Variants in CTNNA2 observed in about 807,000 individuals in gnomAD.
The protein encoded by CTNNA2 is catenin alpha 2.
A neutral mutation model predicts 101.0 loss-of-function variants in CTNNA2; 42 were observed. That is an observed-to-expected ratio of 0.42 (90% CI 0.32 to 0.54). The LOEUF (loss-of-function observed/expected upper bound fraction) is 0.54. CTNNA2 is among the 20% of genes least tolerant of loss of function. CTNNA2 has a pLI of 0.14. For missense variants in CTNNA2, 871 were observed against 1,223.1 expected (o/e 0.71, Z 4.29); for synonymous variants, 450 against 456.4 (o/e 0.99, Z 0.18).
intron 7 of CTNNA2, among the ~76,000 whole-genome samples, chr2:80,047,749 T>C: frequency 6.6e-6 from 1 of 152,172 alleles, no homozygotes; most frequent in South Asian, 2.1e-4. Context: ...GAATCCTGGG[T>C]CTGACTAGAA....
At chr2:80,607,724 G>A (rs935475069) in intron 16 of CTNNA2, among the ~76,000 whole-genome samples, 7 of 151,822 alleles carry the variant, frequency 4.6e-5, no homozygotes, top group African/African-American at 1.7e-4. Flanking sequence ...AGAGAACAAA[G>A]GAAACAAATT....
chr2:80,495,758 C>T (rs531465506), intron 9 of CTNNA2, among the ~76,000 whole-genome samples: 1 of 151,768 alleles, frequency 6.6e-6, no homozygotes, highest in East Asian at 2.0e-4. Context: ...GGCCAACATG[C>T]TGAAACCCCA....
At chr2:80,431,761 G>A (rs1681539752) in intron 9 of CTNNA2, among the ~76,000 whole-genome samples, 1 of 152,128 alleles carries the variant, frequency 6.6e-6, no homozygotes, top group Non-Finnish European at 1.5e-5. Flanking sequence ...TAATCAGCTT[G>A]GTCATTATGT....
chr2:79,733,350 G>T (rs184628370), intron 2 of CTNNA2, among the ~76,000 whole-genome samples: 61 of 152,116 alleles, frequency 4.0e-4, no homozygotes, highest in Non-Finnish European at 7.2e-4. Context: ...CTCATAACTA[G>T]TTGACAAAGA....
chr2:79,724,970 A>T (rs1212038527), intron 2 of CTNNA2, among the ~76,000 whole-genome samples: 1 of 151,984 alleles, frequency 6.6e-6, no homozygotes, highest in African/African-American at 2.4e-5. Flanking sequence ...CAAGTAGCAT[A>T]CTACTTGTAG....
At position 80,419,430 on chromosome 2, in the gene CTNNA2, GT is replaced by G. The variant is rs778670332; in HGVS notation, c.1138-14del. On this transcript the variant is annotated intron_variant, in intron 8 of 18. Transcript: ENST00000402739. ...ATTTCTTAATTGTATGTCATTTTTT[GT>G]TTTTGTTTCAACTGTAGCTTCGGAA... The G allele has an allele frequency of 2.5e-6, 4 of 1,577,468 alleles. No individual in the cohort carries two copies. Among genetic ancestry groups the G allele is most frequent in the Admixed American group, 3.6e-5 (2 of 54,974 alleles).
At chr2:80,158,689 C>T (rs1467078532) in intron 7 of CTNNA2, among the ~76,000 whole-genome samples, 1 of 152,122 alleles carries the variant, frequency 6.6e-6, no homozygotes, top group South Asian at 2.1e-4. Flanking sequence ...GCAGGCAGAT[C>T]ACGAGGTCAG....
chr2:79,817,316 CTTTTTT>C lies in CTNNA2; in HGVS notation c.299-40676_299-40671del, dbSNP rs550422225. ...TGCAGAATAATGTATTTCTCTCTCACTTTTTTTTTTTTTTTTTTTTTTTTTTGCCAT... is the reference window on the plus strand; with the variant it reads ...TGCAGAATAATGTATTTCTCTCTCACTTTTTTTTTTTTTTTTTTTTGCCAT... On this transcript the variant is annotated intron_variant, in intron 3 of 18. Coordinates refer to ENST00000402739, the MANE Select transcript of CTNNA2 (RefSeq NM_001282597.3). Among the ~76,000 whole-genome samples the C allele has an allele frequency of 1.8e-4, 13 of 73,894 alleles. No homozygotes were observed. In the East Asian group the frequency reaches 2.0e-3, roughly 11 times the overall value. 48.5% of individuals were successfully genotyped at this position (73,894 alleles called of 152,430 possible).
intron 2 of CTNNA2, among the ~76,000 whole-genome samples, chr2:79,652,145 A>G (rs1260791146): frequency 6.6e-6 from 1 of 152,154 alleles, no homozygotes; most frequent in Non-Finnish European, 1.5e-5. Flanking sequence ...CAACAGAAAA[A>G]TATCATCAGG....
intron 4 of CTNNA2, among the ~76,000 whole-genome samples, chr2:79,468,156 T>C (rs192995701): frequency 1.3e-5 from 2 of 152,116 alleles, no homozygotes; most frequent in Admixed American, 1.3e-4. Flanking sequence ...GAGACACACA[T>C]AGGCTCAAAA....
At chr2:80,204,108 A>G (rs372437547) in intron 7 of CTNNA2, among the ~76,000 whole-genome samples, 2 of 152,194 alleles carry the variant, frequency 1.3e-5, no homozygotes, top group Admixed American at 6.5e-5. Flanking sequence ...CCGGACCACA[A>G]AATCATTTTT....
intron 7 of CTNNA2, among the ~76,000 whole-genome samples, chr2:80,099,532 GTTAAA>G (rs1258426955): frequency 1.1e-4 from 17 of 152,282 alleles, no homozygotes; most frequent in African/African-American, 3.8e-4. Flanking sequence ...GGAGAACCAT[GTTAAA>G]TACCTTTGGA....
At chr2:80,118,987 T>C (rs919658261) in intron 7 of CTNNA2, among the ~76,000 whole-genome samples, 1 of 152,362 alleles carries the variant, frequency 6.6e-6, no homozygotes, top group African/African-American at 2.4e-5. Context: ...GAGTTAAATG[T>C]GGATGCAATA....
chr2:80,306,394 CTTTTCTTTT>C (rs1382561630), intron 7 of CTNNA2, among the ~76,000 whole-genome samples: 15 of 129,416 alleles, frequency 1.2e-4, no homozygotes, highest in Non-Finnish European at 1.9e-4. Flanking sequence ...CTTTTCTTTT[CTTTTCTTTT>C]CTTTCTTTCT....
chr2:80,603,996 C>T (rs1157377652), intron 15 of CTNNA2, 78 bp from the exon 16 acceptor site: 2 of 1,261,434 alleles, frequency 1.6e-6, no homozygotes, highest in African/African-American at 1.5e-5. Flanking sequence ...CACTAGACTC[C>T]TGGACAAAGG....
intron 3 of CTNNA2, among the ~76,000 whole-genome samples, chr2:79,753,957 C>T (rs923367574): frequency 2.6e-5 from 4 of 151,228 alleles, no homozygotes; most frequent in African/African-American, 9.8e-5. Flanking sequence ...CAACCTCCAC[C>T]TCCTGAGTTC....
At chr2:80,023,846 G>C (rs1262313641) in intron 7 of CTNNA2, among the ~76,000 whole-genome samples, 1 of 152,112 alleles carries the variant, frequency 6.6e-6, no homozygotes, top group African/African-American at 2.4e-5. Flanking sequence ...CCAGCACTTT[G>C]GGAGGCCGAG....
chr2:79,351,766 T>A (rs1677393355), intron 3 of CTNNA2, among the ~76,000 whole-genome samples: 4 of 152,224 alleles, frequency 2.6e-5, no homozygotes, highest in Admixed American at 2.0e-4. Flanking sequence ...AGGACTTAAT[T>A]TTATACTTTT....
At chr2:80,122,246 CT>C (rs1701883044) in intron 7 of CTNNA2, among the ~76,000 whole-genome samples, 1 of 151,530 alleles carries the variant, frequency 6.6e-6, no homozygotes, top group Non-Finnish European at 1.5e-5. Context: ...CTCTATCTCT[CT>C]TCCCTCTCTC....
Sources: gnomAD v4.1 joint callset for allele counts (sites outside exome capture counted in the v4.1 genomes callset) on GRCh38, gnomAD v4.1.1 for gene constraint, MANE v1.5 for transcripts, NCBI Gene and HGNC (gene_info 2026-07-23, HGNC 2026-07-21) for gene names.